SLC6A9: variants seen among roughly 807,000 people sequenced by gnomAD.
The protein encoded by SLC6A9 is solute carrier family 6 member 9.
In SLC6A9, 31 loss-of-function variants were observed where a neutral mutation model predicts 70.9. The ratio of observed to expected loss-of-function variants is 0.44; its 90% CI spans 0.33 to 0.59. SLC6A9 has a LOEUF of 0.59. SLC6A9 is among the 20% of genes least tolerant of loss of function. The probability of loss-of-function intolerance (pLI) is 0.04; values close to 1 mark genes in which losing one functional copy is unlikely to be tolerated. For synonymous variants in SLC6A9, 310 were observed against 341.3 expected, an observed-to-expected ratio of 0.91 and a Z score of 1.01; for missense variants, 631 against 845.2, an observed-to-expected ratio of 0.75 and a Z score of 3.14.
At position 44,002,672 on chromosome 1, in the gene SLC6A9, C is replaced by T; in HGVS notation, c.724-26G>A. The T allele has an allele frequency of 6.2e-7, 1 of 1,613,612 alleles. No homozygotes were observed. The highest frequency in any genetic ancestry group is 8.5e-7 in the Non-Finnish European group (1 of 1,179,646). On this transcript the variant is annotated intron_variant, in intron 6 of 13. Transcript: ENST00000372310. The surrounding 1 kb of genome is among the most constrained non-coding windows in gnomAD (Gnocchi z 5.5). ...CTGGCACAAGAGGGCTCCATGGACTCTTCTGGGCTCTCCCCTCCCCTGGGC... is the reference window on the plus strand; with the variant it reads ...CTGGCACAAGAGGGCTCCATGGACTTTTCTGGGCTCTCCCCTCCCCTGGGC...
intron 2 of SLC6A9, among the ~76,000 whole-genome samples, chr1:44,021,313 C>T (rs373717330): frequency 6.6e-6 from 1 of 152,112 alleles, no homozygotes; most frequent in East Asian, 1.9e-4. Context: ...CTAGGAGCTG[C>T]TGAGGCGTGA....
At position 44,002,890 on chromosome 1, in the gene SLC6A9, A is replaced by G. The variant is rs1218204526; in HGVS notation, c.686T>C (p.Phe229Ser). Residue 229 changes from phenylalanine (F) to serine (S), a missense_variant, in exon 6 of 14, where the codon TTC becomes TCC. By Grantham distance (155) the Phe-to-Ser change is radical. Coordinates refer to ENST00000372310, the MANE Select transcript of SLC6A9 (RefSeq NM_001024845.3). The surrounding 1 kb of genome is among the most constrained non-coding windows in gnomAD (Gnocchi z 5.5). ...CTTGACCCCTCGGATGAGGCAGAGG[A>G]AGACGACCAACCAGGAGACACCGAG... ...GCLGVSWLVV[F>S]LCLIRGVKSS... 1 of 1,613,984 alleles carries G rather than the reference A, an allele frequency of 6.2e-7. No individual in the cohort carries two copies. Among genetic ancestry groups the G allele is most frequent in the Non-Finnish European group, 8.5e-7 (1 of 1,180,014 alleles).
chr1:44,010,668 G>A (rs962626490), intron 3 of SLC6A9, 58 bp downstream of exon 3: 12 of 1,541,404 alleles, frequency 7.8e-6, no homozygotes, highest in Non-Finnish European at 9.8e-6. Flanking sequence ...GGTGGCCCAG[G>A]CCCTGGTGGG....
In SLC6A9 at chr1:44,013,576, A is replaced by G. The variant is rs565092040; in HGVS notation, c.31-2694T>C. 6.6e-6 allele frequency among the ~76,000 whole-genome samples: 1 copy of G among 152,334 alleles called. No homozygotes were observed. Among genetic ancestry groups the G allele is most frequent in the South Asian group, 2.1e-4 (1 of 4,828 alleles). On this transcript the variant is annotated intron_variant, in intron 2 of 13. Coordinates refer to ENST00000372310, the MANE Select transcript of SLC6A9 (RefSeq NM_001024845.3). The surrounding 1 kb of genome is among the most constrained non-coding windows in gnomAD (Gnocchi z 5.3). ...GCTGTATGCAGAGGATCCTTGCAGA[A>G]GCAGCACCCACTTCTGCTTGGGCCT... is the stretch of plus-strand genomic sequence containing the variant.
intron 2 of SLC6A9, chr1:44,017,181 T>C: frequency 6.3e-7 from 1 of 1,593,610 alleles, no homozygotes; most frequent in Non-Finnish European, 8.5e-7. Context: ...CCCCTGCCTC[T>C]CCCACTGCCG....
At chr1:44,011,787 G>A in intron 2 of SLC6A9, 2 of 1,527,898 alleles carry the variant, frequency 1.3e-6, no homozygotes, top group Non-Finnish European at 1.8e-6. Flanking sequence ...GGAAGAATGT[G>A]GGGCCTGCAG....
At chr1:44,022,730 T>TTTTTTTTA (rs1321630408) in intron 2 of SLC6A9, among the ~76,000 whole-genome samples, 1 of 144,638 alleles carries the variant, frequency 6.9e-6, no homozygotes, top group Non-Finnish European at 1.5e-5. Flanking sequence ...TTCTTTTTTT[T>TTTTTTTTA]TTTTTTGAGA....
intron 12 of SLC6A9, among the ~76,000 whole-genome samples, chr1:43,999,507 G>A (rs992591937): frequency 9.2e-5 from 14 of 152,006 alleles, no homozygotes; most frequent in African/African-American, 2.9e-4. Context: ...GAGACCCTCT[G>A]AGCCGCAGAG....
At chr1:44,000,278 C>T (rs1052469890) in intron 12 of SLC6A9, among the ~76,000 whole-genome samples, 1 of 152,210 alleles carries the variant, frequency 6.6e-6, no homozygotes, top group African/African-American at 2.4e-5. Flanking sequence ...CTCCCCTTCC[C>T]AAGCCACCCA....
intron 12 of SLC6A9, 22 bp downstream of exon 12, chr1:44,000,745 A>C: frequency 8.8e-6 from 13 of 1,476,228 alleles, no homozygotes; most frequent in Non-Finnish European, 1.2e-5. Context: ...GGGGGAAGGG[A>C]GGGGCCGGCC....
At chr1:44,012,885 A>C (rs529523148) in intron 2 of SLC6A9, among the ~76,000 whole-genome samples, 2 of 152,142 alleles carry the variant, frequency 1.3e-5, no homozygotes, top group African/African-American at 4.8e-5. Context: ...GCATGTCACC[A>C]CCTCCTGGGG....
intron 2 of SLC6A9, chr1:44,017,350 C>A: frequency 7.4e-7 from 1 of 1,359,848 alleles, no homozygotes; most frequent in Non-Finnish European, 9.4e-7. Flanking sequence ...TCCCTTGTTC[C>A]CAGCAAGTAA....
At chr1:44,006,574 G>A (rs887461158) in intron 5 of SLC6A9, among the ~76,000 whole-genome samples, 17 of 102,816 alleles carry the variant, frequency 1.7e-4, no homozygotes, top group Non-Finnish European at 2.8e-4. Flanking sequence ...GCAACAGAGC[G>A]AGATTCTGTC....
chr1:44,011,564 G>C lies in SLC6A9; in HGVS notation c.31-682C>G, dbSNP rs372550321. ...GGAGGGGCCCTGGGGAGCTGACCTGGGCCATGGCTAGGGAGTGCTGGGCCA... is the reference window on the plus strand; with the variant it reads ...GGAGGGGCCCTGGGGAGCTGACCTGCGCCATGGCTAGGGAGTGCTGGGCCA... On this transcript the variant is annotated intron_variant, in intron 2 of 13. Coordinates refer to ENST00000372310, the MANE Select transcript of SLC6A9 (RefSeq NM_001024845.3). The C allele has an allele frequency of 1.1e-5, 17 of 1,613,648 alleles. No homozygotes were observed. The African/African-American group carries it at 2.1e-4, about 20-fold the overall frequency.
In SLC6A9 at chr1:44,002,954, C is replaced by A; in HGVS notation, c.622G>T (p.Gly208Trp). Residue 208 changes from glycine to tryptophan, a missense_variant, in exon 6 of 14, where the codon GGG becomes TGG. Transcript: ENST00000372310. This position sits in a 1 kb window ranked among gnomAD's most constrained non-coding sequence, Gnocchi z 5.5. ...GGCAGCCGCACCTCCCCAAAGTTCC[C>A]AATGTCATCTGACAGCTTCAGCACG... ...LYVLKLSDDI[G>W]NFGEVRLPLL... 6.2e-7 allele frequency: 1 copy of A among 1,614,134 alleles called. No individual in the cohort carries two copies. Among genetic ancestry groups the A allele is most frequent in the South Asian group, 1.1e-5 (1 of 91,080 alleles).
At chr1:44,011,790 G>T in intron 2 of SLC6A9, 2 of 1,523,420 alleles carry the variant, frequency 1.3e-6, no homozygotes, top group Non-Finnish European at 1.8e-6. Flanking sequence ...AGAATGTGGG[G>T]CCTGCAGGAC....
At chr1:44,014,365 G>T (rs995843996) in intron 2 of SLC6A9, among the ~76,000 whole-genome samples, 1 of 151,998 alleles carries the variant, frequency 6.6e-6, no homozygotes, top group African/African-American at 2.4e-5. Flanking sequence ...GGACTACCCT[G>T]CCCTGTCCCC....
chr1:44,011,632 C>T, intron 2 of SLC6A9: 2 of 1,614,074 alleles, frequency 1.2e-6, no homozygotes, highest in Non-Finnish European at 1.7e-6. Context: ...CCATGCCAGA[C>T]TTTGAGGACA....
intron 12 of SLC6A9, among the ~76,000 whole-genome samples, chr1:43,999,864 CTCTGTGGAGTGACCATTA>C (rs1334478148): frequency 2.0e-5 from 3 of 152,194 alleles, no homozygotes; most frequent in African/African-American, 7.2e-5. Flanking sequence ...CTTGCCTGTC[CTCTGTGGAGTGACCATTA>C]CACTGTCAAT....
Sources: allele counts gnomAD v4.1 joint callset (sites outside exome capture counted in the v4.1 genomes callset), GRCh38; gene constraint gnomAD v4.1.1; non-coding constraint Gnocchi (gnomAD v3.1); transcripts MANE v1.5; gene names NCBI Gene and HGNC (gene_info 2026-07-23, HGNC 2026-07-21).